Variants in KANK4 observed in about 807,000 individuals in gnomAD.
KANK4 encodes the protein KN motif and ankyrin repeat domain-containing protein 4.
A neutral mutation model predicts 80.8 loss-of-function variants in KANK4; 50 were observed. The observed-to-expected ratio is 0.62, with a 90% confidence interval of 0.49 to 0.78. The LOEUF (loss-of-function observed/expected upper bound fraction) is 0.78. KANK4 is among the 30% of genes least tolerant of loss of function. The pLI, the probability that KANK4 is intolerant of heterozygous loss-of-function variation, is 0.00. For synonymous variants in KANK4, 465 were observed against 506.9 expected (o/e 0.92, Z 1.11); for missense variants, 1,196 against 1,240.1 (o/e 0.96, Z 0.53).
At chr1:62,254,397 A>G (rs1035976447) in intron 7 of KANK4, among the ~76,000 whole-genome samples, 1 of 149,472 alleles carries the variant, frequency 6.7e-6, no homozygotes, top group Admixed American at 6.7e-5. Flanking sequence ...GCCCGCCACC[A>G]TGCCTGGCTA....
intron 1 of KANK4, among the ~76,000 whole-genome samples, chr1:62,300,261 G>C (rs1304347475): frequency 6.6e-6 from 1 of 152,150 alleles, no homozygotes; most frequent in Non-Finnish European, 1.5e-5. Flanking sequence ...AAGAAGAAAA[G>C]AGACCCTTTT....
intron 2 of KANK4, 51 bp downstream of exon 2, chr1:62,281,498 C>A: frequency 6.2e-7 from 1 of 1,612,380 alleles, no homozygotes; most frequent in Non-Finnish European, 8.5e-7. Flanking sequence ...ACAATTCTTT[C>A]CCAGCCCAAG....
At chr1:62,271,771 C>T (rs1672169724) in intron 3 of KANK4, 182 bp from the exon 4 acceptor site, 1 of 551,420 alleles carries the variant, frequency 1.8e-6, no homozygotes. Context: ...GCTTTCTGCT[C>T]AATGTTGGGA....
At chr1:62,308,290 C>A (rs940649247) in intron 1 of KANK4, among the ~76,000 whole-genome samples, 2 of 152,206 alleles carry the variant, frequency 1.3e-5, no homozygotes, top group Middle Eastern at 3.2e-3. Flanking sequence ...CACACAGGCG[C>A]CTGCATGGAG....
chr1:62,258,408 T>C (rs187339948), intron 7 of KANK4, among the ~76,000 whole-genome samples: 1 of 152,372 alleles, frequency 6.6e-6, no homozygotes, highest in Admixed American at 6.5e-5. Flanking sequence ...ATGGTATCCA[T>C]GCATCCATGA....
chr1:62,269,824 A>G (rs1672117426), intron 4 of KANK4, among the ~76,000 whole-genome samples: 1 of 152,214 alleles, frequency 6.6e-6, no homozygotes. Context: ...GGATAAGAGG[A>G]GTGGCTACTT....
intron 1 of KANK4, among the ~76,000 whole-genome samples, chr1:62,312,864 C>T (rs1644508496): frequency 6.6e-6 from 1 of 152,182 alleles, no homozygotes. Context: ...GGCCAGTGAC[C>T]AGCTGTACTG....
At chr1:62,289,237 C>G (rs1484103104) in intron 1 of KANK4, among the ~76,000 whole-genome samples, 1 of 152,160 alleles carries the variant, frequency 6.6e-6, no homozygotes, top group Non-Finnish European at 1.5e-5. Flanking sequence ...CTTGGACACC[C>G]CTGCGTACTG....
At chr1:62,257,622 A>T (rs1570977806) in intron 7 of KANK4, among the ~76,000 whole-genome samples, 1 of 150,782 alleles carries the variant, frequency 6.6e-6, no homozygotes, top group Non-Finnish European at 1.5e-5. Context: ...ACAGTTTGTA[A>T]TTTTTTTTTC....
Position 62,293,436 on chromosome 1 carries a change from C to G in KANK4, c.-70-11802G>C, listed in dbSNP as rs376142512. Among the ~76,000 whole-genome samples, 36 of 152,020 alleles carry G rather than the reference C, an allele frequency of 2.4e-4. No homozygotes were observed. In the East Asian group the frequency reaches 6.0e-3, roughly 25 times the overall value. On this transcript the variant is annotated intron_variant, in intron 1 of 9. Coordinates refer to ENST00000371153, the MANE Select transcript of KANK4 (RefSeq NM_181712.5). ...ATAATTCTCAAAGCAGAGTCCCTGGCCCAGTGATAGAAACTAAGGGTTTCT... is the reference window on the plus strand; with the variant it reads ...ATAATTCTCAAAGCAGAGTCCCTGGGCCAGTGATAGAAACTAAGGGTTTCT...
At chr1:62,242,696 T>C (rs538671131) in intron 9 of KANK4, among the ~76,000 whole-genome samples, 3 of 152,298 alleles carry the variant, frequency 2.0e-5, no homozygotes, top group African/African-American at 7.2e-5. Flanking sequence ...CTTTAAATGT[T>C]GATGAAATAA....
chr1:62,301,044 G>A (rs1644407862), intron 1 of KANK4, among the ~76,000 whole-genome samples: 1 of 151,994 alleles, frequency 6.6e-6, no homozygotes, highest in Admixed American at 6.5e-5. Flanking sequence ...ATGAGTGTTG[G>A]CTTTGTCTTC....
chr1:62,265,831 A>G (rs139841038), intron 6 of KANK4, among the ~76,000 whole-genome samples: 5 of 152,252 alleles, frequency 3.3e-5, no homozygotes, highest in Non-Finnish European at 7.3e-5. Flanking sequence ...GAAGGAGCCA[A>G]TGCGTATTTT....
chr1:62,266,807 T>A lies in KANK4; in HGVS notation c.2244A>T (p.Ser748=). 3 of 1,607,044 alleles carry A rather than the reference T, an allele frequency of 1.9e-6. No homozygotes were observed. The highest frequency in any genetic ancestry group is 2.6e-6 in the Non-Finnish European group (3 of 1,173,646). Residue 748 remains serine (S), a synonymous_variant, in exon 6 of 10, where the codon TCA becomes TCT. Coordinates refer to ENST00000371153, the MANE Select transcript of KANK4 (RefSeq NM_181712.5). ...PHSKAERYKP[S]EEFLNACRAL... ...CCCGGCATGCATTAAGAAATTCTTC[T>A]GAGGGTTTATATCTAAATAAAACAA...
Position 62,274,643 on chromosome 1 carries a change from C to A in KANK4, c.461G>T (p.Ser154Ile). 2 of 1,614,208 alleles carry A rather than the reference C, an allele frequency of 1.2e-6. No individual in the cohort carries two copies. The highest frequency in any genetic ancestry group is 1.7e-6 in the Non-Finnish European group (2 of 1,180,036). The change falls in exon 3 of 10, where the codon AGT (serine) becomes ATT (isoleucine). Residue 154 changes from serine to isoleucine, a missense_variant. Physicochemically the swap from Ser to Ile is moderately radical, Grantham distance 142. Coordinates refer to ENST00000371153, the MANE Select transcript of KANK4 (RefSeq NM_181712.5). The stretch of plus-strand genomic sequence containing the variant: ...TGCTCTCAAGAGCTGGGGCCGTCCA[C>A]TCCCAAAAGTGAGCTCGGCATCCTC... ...EPEDAELTFGSGRPQLLRASS... is the reference protein window; with the variant it reads ...EPEDAELTFGIGRPQLLRASS...
At position 62,268,423 on chromosome 1, in the gene KANK4, ACTT is replaced by A. The variant is rs1237982285; in HGVS notation, c.2092_2094del (p.Lys698del). On this transcript the variant is annotated inframe_deletion, in exon 5 of 10. Coordinates refer to ENST00000371153, the MANE Select transcript of KANK4 (RefSeq NM_181712.5). ...ACATGCTTGTGATCTGGGCCGTCAC[ACTT>A]CTTCTCTGCCTCGCTGTCAGACAAG... is the stretch of plus-strand genomic sequence containing the variant. The A allele has an allele frequency of 5.6e-6, 9 of 1,613,580 alleles. No individual in the cohort carries two copies. Among genetic ancestry groups the A allele is most frequent in the South Asian group, 1.1e-5 (1 of 91,066 alleles).
In KANK4 at chr1:62,274,414, C is replaced by G. The variant is rs527923101; in HGVS notation, c.690G>C (p.Glu230Asp). 2 of 1,614,098 alleles carry G rather than the reference C, an allele frequency of 1.2e-6. No homozygotes were observed. The highest frequency in any genetic ancestry group is 1.7e-6 in the Non-Finnish European group (2 of 1,180,036). ...ASTRIPELVQEGAEPPEGVVK... is the reference protein window; with the variant it reads ...ASTRIPELVQDGAEPPEGVVK... ...CCACACCCTCTGGAGGCTCAGCTCC[C>G]TCCTGGACCAGCTCTGGAATCCGAG... The change falls in exon 3 of 10, where the codon GAG becomes GAC. Residue 230 changes from glutamate (E) to aspartate (D), a missense_variant. Physicochemically the swap from Glu to Asp is conservative, Grantham distance 45. This residue lies in a region of KANK4 where 1,154 missense variants were observed against 1,179.6 expected (regional missense o/e 0.98). Coordinates refer to ENST00000371153, the MANE Select transcript of KANK4 (RefSeq NM_181712.5).
intron 1 of KANK4, among the ~76,000 whole-genome samples, chr1:62,295,141 T>G (rs1480899838): frequency 2.3e-5 from 3 of 129,128 alleles, no homozygotes; most frequent in Non-Finnish European, 4.9e-5. Flanking sequence ...GCTCACATCT[T>G]TTCTTTTTTT....
At chr1:62,242,313 G>A (rs1230088048) in intron 9 of KANK4, among the ~76,000 whole-genome samples, 1 of 123,842 alleles carries the variant, frequency 8.1e-6, no homozygotes, top group Admixed American at 1.0e-4. Flanking sequence ...AATAAGCCAT[G>A]ATCGTGCCAC....
Sources: allele counts gnomAD v4.1 joint callset (sites outside exome capture counted in the v4.1 genomes callset), GRCh38; gene constraint gnomAD v4.1.1; regional missense constraint gnomAD v4.1.1; transcripts MANE v1.5; gene names NCBI Gene and HGNC (gene_info 2026-07-23, HGNC 2026-07-21).